Variants in THSD4 observed in about 807,000 individuals in gnomAD.
The protein encoded by THSD4 is thrombospondin type 1 domain containing 4, also known as thrombospondin type-1 domain-containing protein 4.
In THSD4, 69 loss-of-function variants were observed where a neutral mutation model predicts 119.0. The observed-to-expected ratio is 0.58, with a 90% CI of 0.48 to 0.71. The LOEUF (loss-of-function observed/expected upper bound fraction) is 0.71, where lower values mean the gene tolerates loss of function less well. Among genes scored for constraint, THSD4 ranks in the 30% least tolerant of loss-of-function variants. THSD4 has a pLI of 0.00. For missense variants in THSD4, 1,393 were observed against 1,391.1 expected (o/e 1.00, Z -0.02); for synonymous variants, 524 against 540.4 (o/e 0.97, Z 0.42).
At chr15:71,641,669 A>G (rs2050860682) in intron 7 of THSD4, among the ~76,000 whole-genome samples, 1 of 152,130 alleles carries the variant, frequency 6.6e-6, no homozygotes, top group African/African-American at 2.4e-5. Flanking sequence ...TCACTGTTTT[A>G]ACAGTTTAGA....
chr15:71,749,375 T>A (rs2053401586), intron 14 of THSD4, among the ~76,000 whole-genome samples: 1 of 152,178 alleles, frequency 6.6e-6, no homozygotes, highest in South Asian at 2.1e-4. Flanking sequence ...ATCGGCGCAT[T>A]GGCGGGCATG....
chr15:71,217,212 A>G (rs1194177208), intron 4 of THSD4, among the ~76,000 whole-genome samples: 1 of 152,218 alleles, frequency 6.6e-6, no homozygotes, highest in Non-Finnish European at 1.5e-5. Context: ...CTTCCGTCGT[A>G]TGGGACAGCA....
Position 71,416,711 on chromosome 15 carries a change from ATTTTGTTTTG to A in THSD4, c.1152+4918_1152+4927del, listed in dbSNP as rs200092978. Reference sequence around the variant, plus strand: ...ATTTTGTTTCATTTTATTTTATTTTATTTTGTTTTGTTTTGTTTTGTTTTGTTTTGTTTTG... The same window carrying A: ...ATTTTGTTTCATTTTATTTTATTTTATTTTGTTTTGTTTTGTTTTGTTTTG... On this transcript the variant is annotated intron_variant, in intron 7 of 17. Coordinates refer to ENST00000261862, the MANE Select transcript of THSD4 (RefSeq NM_024817.3). Among the ~76,000 whole-genome samples, 96 of 87,768 alleles carry A rather than the reference ATTTTGTTTTG, an allele frequency of 1.1e-3. 25 individuals carry two copies. In the South Asian group the frequency reaches 0.022, roughly 20 times the overall value. The allele number at this position is 87,768 out of a possible 152,430, so 57.6% of individuals were successfully genotyped here. A position where few individuals can be genotyped will look rare whatever the true frequency, so the allele number is the denominator to read the frequency against.
chr15:71,680,720 C>T (rs1181717430), intron 8 of THSD4, among the ~76,000 whole-genome samples: 1 of 152,182 alleles, frequency 6.6e-6, no homozygotes, highest in Non-Finnish European at 1.5e-5. Context: ...AGCCACGCAG[C>T]TTTCTGGCTC....
intron 7 of THSD4, among the ~76,000 whole-genome samples, chr15:71,633,269 C>CTTTTTTT (rs67682951): frequency 1.2e-3 from 78 of 63,138 alleles, no homozygotes; most frequent in African/African-American, 1.9e-3. Flanking sequence ...TTCTTTCTTT[C>CTTTTTTT]TTTTTTTTTT....
At chr15:71,754,589 A>G (rs967130592) in intron 14 of THSD4, among the ~76,000 whole-genome samples, 6 of 152,218 alleles carry the variant, frequency 3.9e-5, no homozygotes, top group African/African-American at 1.2e-4. Context: ...ATCTAGCAAA[A>G]TAGCAAAGGA....
chr15:71,316,268 C>T (rs917535084), intron 6 of THSD4, among the ~76,000 whole-genome samples: 1 of 152,202 alleles, frequency 6.6e-6, no homozygotes, highest in Non-Finnish European at 1.5e-5. Flanking sequence ...TTATATAACT[C>T]AGCTTGACTT....
chr15:71,688,662 G>GT (rs1294178007), intron 8 of THSD4, among the ~76,000 whole-genome samples: 10 of 142,270 alleles, frequency 7.0e-5, no homozygotes, highest in Non-Finnish European at 1.1e-4. Context: ...GTTTTGTTTT[G>GT]TTTTTTTCTT....
At chr15:71,515,209 G>T (rs2048341196) in intron 7 of THSD4, among the ~76,000 whole-genome samples, 1 of 152,176 alleles carries the variant, frequency 6.6e-6, no homozygotes, top group South Asian at 2.1e-4. Context: ...TTTCGTCCCT[G>T]TGCTAAGTAC....
In THSD4 at chr15:71,590,091, C is replaced by T. The variant is rs755511075; in HGVS notation, c.1153-70439C>T. On this transcript the variant is annotated intron_variant, in intron 7 of 17. Coordinates refer to ENST00000261862, the MANE Select transcript of THSD4 (RefSeq NM_024817.3). ...AATGCCAAATTGAAGATAGTGGTTA[C>T]GGCTGATGAAGGAGAGAGGGGAATG... Among the ~76,000 whole-genome samples the T allele has an allele frequency of 7.9e-5, 11 of 139,060 alleles. 3 individuals are homozygous for T. The highest frequency in any genetic ancestry group is 4.6e-4 in the South Asian group (2 of 4,366). The allele number at this position is 139,060 out of a possible 152,430, so 91.2% of individuals were successfully genotyped here. A position where few individuals can be genotyped will look rare whatever the true frequency, so the allele number is the denominator to read the frequency against.
intron 10 of THSD4, among the ~76,000 whole-genome samples, chr15:71,736,311 G>A (rs2053104949): frequency 7.0e-6 from 1 of 143,182 alleles, no homozygotes; most frequent in Non-Finnish European, 1.5e-5. Context: ...CCTGCTCTCT[G>A]TCTGTGTCTC....
chr15:71,468,240 C>T (rs1055686787), intron 7 of THSD4, among the ~76,000 whole-genome samples: 1 of 152,166 alleles, frequency 6.6e-6, no homozygotes, highest in Non-Finnish European at 1.5e-5. Flanking sequence ...CTTCGCCTTC[C>T]ACCATGATTG....
At chr15:71,202,083 A>T (rs2043808275) in intron 3 of THSD4, among the ~76,000 whole-genome samples, 1 of 151,978 alleles carries the variant, frequency 6.6e-6, no homozygotes, top group African/African-American at 2.4e-5. Context: ...CTTGAGATGG[A>T]AGTAATTTCC....
At chr15:71,672,184 C>T in intron 8 of THSD4, among the ~76,000 whole-genome samples, 1 of 152,152 alleles carries the variant, frequency 6.6e-6, no homozygotes, top group Admixed American at 6.5e-5. Flanking sequence ...TGTAGTTCTT[C>T]TTGAAGAGGT....
Position 71,712,304 on chromosome 15 carries a change from G to T in THSD4, c.1358-16245G>T, listed in dbSNP as rs549894502. Among the ~76,000 whole-genome samples, 392 of 152,258 alleles carry T rather than the reference G, an allele frequency of 2.6e-3. 4 individuals carry two copies. The highest frequency in any genetic ancestry group is 0.02 in the Middle Eastern group (6 of 294). On this transcript the variant is annotated intron_variant, in intron 8 of 17. Coordinates refer to ENST00000261862, the MANE Select transcript of THSD4 (RefSeq NM_024817.3). ...AAAGTGGAATTCTCACATGAACTTA[G>T]AAAATATTTTCAGCTGAATGAAAGT...
intron 6 of THSD4, among the ~76,000 whole-genome samples, chr15:71,270,930 A>T (rs937826970): frequency 5.3e-5 from 8 of 151,714 alleles, no homozygotes; most frequent in African/African-American, 1.9e-4. Flanking sequence ...AGGAATGAGG[A>T]TGTTCTGTAG....
intron 8 of THSD4, among the ~76,000 whole-genome samples, chr15:71,662,263 CG>C (rs11307413): frequency 0.99 from 149,950 of 152,050 alleles, 73,973 homozygotes; most frequent in Non-Finnish European, 1. Flanking sequence ...AGTGGTTTTA[CG>C]GGGGGGGAGG....
chr15:71,213,780 A>G lies in THSD4; in HGVS notation c.100-1255A>G, dbSNP rs142603168. 3.1e-3 allele frequency among the ~76,000 whole-genome samples: 475 copies of G among 152,346 alleles called. 6 individuals carry two copies. Among genetic ancestry groups the G allele is most frequent in the African/African-American group, 0.011 (470 of 41,582 alleles). On this transcript the variant is annotated intron_variant, in intron 3 of 17. Coordinates refer to ENST00000261862, the MANE Select transcript of THSD4 (RefSeq NM_024817.3). ...ACCTCTTCCAAGTCACCATGGCAGC[A>G]GGGACATTATTATCATTACTAACAA...
chr15:71,130,205 A>G (rs983780346), intron 1 of THSD4, among the ~76,000 whole-genome samples: 5 of 152,004 alleles, frequency 3.3e-5, no homozygotes, highest in African/African-American at 7.2e-5. Context: ...TATTTTTTTG[A>G]GACAGAGTCT....
Sources: allele counts gnomAD v4.1 joint callset (sites outside exome capture counted in the v4.1 genomes callset), GRCh38; gene constraint gnomAD v4.1.1; transcripts MANE v1.5; gene names NCBI Gene and HGNC (gene_info 2026-07-23, HGNC 2026-07-21).